TDP2: variants seen among roughly 807,000 people sequenced by gnomAD.
The protein encoded by TDP2 is 5'-Tyr-DNA phosphodiesterase.
A neutral mutation model predicts 42.8 loss-of-function variants in TDP2; 38 were observed. That is an observed-to-expected ratio of 0.89 (90% CI 0.68 to 1.16). The LOEUF (loss-of-function observed/expected upper bound fraction) is 1.16. Among genes scored for constraint, TDP2 ranks in the 50% most tolerant of loss-of-function variants. TDP2 has a pLI of 0.00. For synonymous variants in TDP2, 173 were observed against 150.6 expected (o/e 1.15, Z -1.09); for missense variants, 439 against 439.3 (o/e 1.00, Z 0.01).
chr6:24,664,902 T>C (rs1231079690), intron 2 of TDP2, among the ~76,000 whole-genome samples: 2 of 152,202 alleles, frequency 1.3e-5, no homozygotes, highest in East Asian at 3.8e-4. Flanking sequence ...AGAATCCTAA[T>C]AGCCATGACA....
intron 2 of TDP2, among the ~76,000 whole-genome samples, chr6:24,662,476 T>C (rs1778166387): frequency 6.6e-6 from 1 of 152,196 alleles, no homozygotes; most frequent in Non-Finnish European, 1.5e-5. Flanking sequence ...AAACCTGGCC[T>C]ACGTGCATAT....
chr6:24,657,959 T>G, intron 3 of TDP2, 56 bp from the exon 4 acceptor site: 1 of 1,243,220 alleles, frequency 8.0e-7, no homozygotes, highest in Non-Finnish European at 1.1e-6. Context: ...CATTTTCAGC[T>G]ACCTAAATGA....
At chr6:24,665,874 GA>G in intron 2 of TDP2, 1 of 422,430 alleles carries the variant, frequency 2.4e-6, no homozygotes, top group Non-Finnish European at 4.0e-6. Flanking sequence ...GAAGGGAAAA[GA>G]AAAAAATTCC....
rs532261526 is a variant in TDP2, at chr6:24,653,216, A to C, written c.637-63T>G. 2.0e-6 allele frequency: 3 copies of C among 1,505,460 alleles called. No homozygotes were observed. In the East Asian group the frequency reaches 6.8e-5, roughly 34 times the overall value. The allele number at this position is 1,505,460 out of a possible 1,614,324, so 93.3% of individuals were successfully genotyped here. On this transcript the variant is annotated intron_variant, in intron 5 of 6. Coordinates refer to ENST00000378198, the MANE Select transcript of TDP2 (RefSeq NM_016614.3). ...ACTATTAATACTGAACTTTAATAAT[A>C]AAATCAGCAGATTGTTCTGTCAAAT...
At position 24,666,892 on chromosome 6, in the gene TDP2, A is replaced by G. The variant is rs1467126507; in HGVS notation, c.-30T>C. 6.2e-7 allele frequency: 1 copy of G among 1,611,014 alleles called. No homozygotes were observed. Among genetic ancestry groups the G allele is most frequent in the Admixed American group, 1.7e-5 (1 of 60,004 alleles). ...CTGCCGCCTCTGCACCGCCCCTTTA[A>G]GCGGAACAGGAGGCCAACGCGCGGC... On this transcript the variant is annotated 5_prime_UTR_variant, in exon 1 of 7. Transcript: ENST00000378198.
intron 2 of TDP2, 162 bp downstream of exon 2, chr6:24,666,364 C>G (rs1304699489): frequency 7.0e-7 from 1 of 1,431,834 alleles, no homozygotes; most frequent in Non-Finnish European, 9.5e-7. Context: ...GGCGCAACTC[C>G]GCGCAGCAGC....
At chr6:24,655,071 T>A (rs576157712) in intron 4 of TDP2, among the ~76,000 whole-genome samples, 1 of 151,960 alleles carries the variant, frequency 6.6e-6, no homozygotes, top group Non-Finnish European at 1.5e-5. Context: ...TGAAAAAAAA[T>A]GTAAACAAGT....
At position 24,651,059 on chromosome 6, in the gene TDP2, C is replaced by T. The variant is rs746102191; in HGVS notation, c.818G>A (p.Cys273Tyr). 5 of 1,610,092 alleles carry T rather than the reference C, an allele frequency of 3.1e-6. No individual in the cohort carries two copies. In the South Asian group the frequency reaches 5.5e-5, roughly 18 times the overall value. ...TNLRDREVTR[C>Y]GGLPNNIVDV... ...CACAATGTTGTTGGGTAAACCACCA[C>T]ATCTGGTAACCTGAAAAGAAGAAGA... is the stretch of plus-strand genomic sequence containing the variant. The change falls in exon 7 of 7, where the codon TGT (cysteine) becomes TAT (tyrosine). Residue 273 changes from cysteine (C) to tyrosine (Y), a missense_variant. Coordinates refer to ENST00000378198, the MANE Select transcript of TDP2 (RefSeq NM_016614.3).
intron 2 of TDP2, among the ~76,000 whole-genome samples, chr6:24,660,092 A>C (rs975295250): frequency 2.0e-5 from 3 of 152,216 alleles, no homozygotes; most frequent in African/African-American, 7.2e-5. Flanking sequence ...TGAATTTATA[A>C]TTTTAATGCC....
At chr6:24,661,487 C>CT (rs1312180161) in intron 2 of TDP2, among the ~76,000 whole-genome samples, 6 of 152,128 alleles carry the variant, frequency 3.9e-5, no homozygotes, top group African/African-American at 7.2e-5. Context: ...TCATCTTGTA[C>CT]TTTTTTTGCC....
chr6:24,666,883 G>T lies in TDP2; in HGVS notation c.-21C>A, dbSNP rs763659985. 1.2e-6 allele frequency: 2 copies of T among 1,611,792 alleles called. No individual in the cohort carries two copies. Among genetic ancestry groups the T allele is most frequent in the East Asian group, 4.5e-5 (2 of 44,894 alleles). ...TCCATCTTCCTGCCGCCTCTGCACC[G>T]CCCCTTTAAGCGGAACAGGAGGCCA... On this transcript the variant is annotated 5_prime_UTR_variant, in exon 1 of 7. Coordinates refer to ENST00000378198, the MANE Select transcript of TDP2 (RefSeq NM_016614.3).
At chr6:24,666,499 C>T in intron 2 of TDP2, 27 bp downstream of exon 2, 1 of 1,608,914 alleles carries the variant, frequency 6.2e-7, no homozygotes, top group South Asian at 1.1e-5. Context: ...TCCGTGCGGA[C>T]TGGCTCCCGC....
intron 6 of TDP2, among the ~76,000 whole-genome samples, chr6:24,651,989 A>C (rs1478452451): frequency 2.7e-5 from 4 of 150,368 alleles, no homozygotes; most frequent in Non-Finnish European, 6.0e-5. Context: ...AATCTTCCCC[A>C]ACTGAAACTC....
intron 4 of TDP2, among the ~76,000 whole-genome samples, chr6:24,655,927 G>C (rs889489546): frequency 1.3e-5 from 2 of 152,166 alleles, no homozygotes; most frequent in East Asian, 3.8e-4. Flanking sequence ...TGTCCAGTAA[G>C]GTAAACTACT....
In TDP2 at chr6:24,650,743, T is replaced by G; in HGVS notation, c.*45A>C. 1 of 1,586,062 alleles carries G rather than the reference T, an allele frequency of 6.3e-7. No homozygotes were observed. Among genetic ancestry groups the G allele is most frequent in the Non-Finnish European group, 8.6e-7 (1 of 1,162,818 alleles). ...AACCTACCTTTCCAGAAGGTGGAAA[T>G]TGTATTTGCAACAATCAGGGCAAAA... On this transcript the variant is annotated 3_prime_UTR_variant, in exon 7 of 7. Transcript: ENST00000378198.
At chr6:24,660,588 G>A (rs1778126009) in intron 2 of TDP2, among the ~76,000 whole-genome samples, 1 of 152,188 alleles carries the variant, frequency 6.6e-6, no homozygotes, top group Non-Finnish European at 1.5e-5. Flanking sequence ...GTGCATAACA[G>A]TATACTCTAG....
In TDP2 at chr6:24,666,835, C is replaced by T. The variant is rs1334570797; in HGVS notation, c.28G>A (p.Gly10Arg). The change falls in exon 1 of 7, where the codon GGG becomes AGG. Residue 10 changes from glycine to arginine, a missense_variant. Coordinates refer to ENST00000378198, the MANE Select transcript of TDP2 (RefSeq NM_016614.3). MELGSCLEG[G>R]REAAEEEGEP... ...CCCTCTTCCTCCGCCGCCTCCCTCCCGCCCTCCAGGCAACTCCCCAACTCC... is the reference window on the plus strand; with the variant it reads ...CCCTCTTCCTCCGCCGCCTCCCTCCTGCCCTCCAGGCAACTCCCCAACTCC... The T allele has an allele frequency of 3.7e-6, 6 of 1,614,012 alleles. No homozygotes were observed. Among genetic ancestry groups the T allele is most frequent in the Middle Eastern group, 1.6e-4 (1 of 6,084 alleles).
intron 2 of TDP2, 53 bp downstream of exon 2, chr6:24,666,473 C>A: frequency 1.3e-6 from 2 of 1,577,896 alleles, no homozygotes; most frequent in Non-Finnish European, 1.7e-6. Context: ...GCAGGGCTAC[C>A]TGGTATCAAA....
chr6:24,654,573 A>G (rs1427825835), intron 4 of TDP2, 43 bp from the exon 5 acceptor site: 5 of 1,040,830 alleles, frequency 4.8e-6, no homozygotes, highest in Non-Finnish European at 7.3e-6. Context: ...AGAAGGTGAG[A>G]GTTATTTTCA....
Sources: gnomAD v4.1 joint callset for allele counts (sites outside exome capture counted in the v4.1 genomes callset) on GRCh38, gnomAD v4.1.1 for gene constraint, MANE v1.5 for transcripts, NCBI Gene and HGNC (gene_info 2026-07-23, HGNC 2026-07-21) for gene names.